Variants in CDCA7 observed in about 807,000 individuals in gnomAD.
CDCA7 encodes the protein cell division cycle-associated protein 7.
In CDCA7, 28 loss-of-function variants were observed where a neutral mutation model predicts 54.0. The observed-to-expected ratio is 0.52, with a 90% confidence interval of 0.38 to 0.71. The LOEUF (loss-of-function observed/expected upper bound fraction) is 0.71. Among genes scored for constraint, CDCA7 ranks in the 30% least tolerant of loss-of-function variants. The probability of loss-of-function intolerance (pLI) is 0.00; values close to 1 mark genes in which losing one functional copy is unlikely to be tolerated. For synonymous variants in CDCA7, 180 were observed against 208.2 expected, an observed-to-expected ratio of 0.86 and a Z score of 1.16; for missense variants, 484 against 586.0, an observed-to-expected ratio of 0.83 and a Z score of 1.80.
Position 173,367,655 on chromosome 2 carries a change from G to A in CDCA7, c.1344G>A (p.Met448Ile). ...YLKSLKQEFE[M>I]QA ...ACAGCCTGAAACAGGAATTTGAAAT[G>A]CAAGCATAATATCTGGAAAATTTGC... is the stretch of plus-strand genomic sequence containing the variant. Residue 448 changes from methionine to isoleucine, a missense_variant, in exon 10 of 10, where the codon ATG becomes ATA. Physicochemically the swap from Met to Ile is conservative, Grantham distance 10. Transcript: ENST00000306721. 6.2e-7 allele frequency: 1 copy of A among 1,614,174 alleles called. No individual in the cohort carries two copies. Among genetic ancestry groups the A allele is most frequent in the Non-Finnish European group, 8.5e-7 (1 of 1,180,010 alleles).
In CDCA7 at chr2:173,359,343, A is replaced by G. The variant is rs1233452800; in HGVS notation, c.236A>G (p.Glu79Gly). 8 of 1,614,220 alleles carry G rather than the reference A, an allele frequency of 5.0e-6. No individual in the cohort carries two copies. Among genetic ancestry groups the G allele is most frequent in the Non-Finnish European group, 6.8e-6 (8 of 1,180,034 alleles). The change falls in exon 3 of 10, where the codon GAA (glutamate) becomes GGA (glycine). Residue 79 changes from glutamate (E) to glycine (G), a missense_variant. Transcript: ENST00000306721. ...SDNESFCGFSESEVQDVLDHC... is the reference protein window; with the variant it reads ...SDNESFCGFSGSEVQDVLDHC... Reference sequence around the variant, plus strand: ...AATGAATCTTTCTGCGGCTTTTCAGAAAGTGAGGTGCAAGATGTATTAGAC... The same window carrying G: ...AATGAATCTTTCTGCGGCTTTTCAGGAAGTGAGGTGCAAGATGTATTAGAC...
intron 5 of CDCA7, 46 bp downstream of exon 5, chr2:173,363,941 C>A: frequency 6.6e-7 from 1 of 1,511,620 alleles, no homozygotes; most frequent in Non-Finnish European, 9.2e-7. Flanking sequence ...TTGGGCACAC[C>A]TAAGGTCGAT....
At chr2:173,363,780 T>C in intron 4 of CDCA7, 38 bp from the exon 5 acceptor site, 2 of 1,593,042 alleles carry the variant, frequency 1.3e-6, no homozygotes, top group Non-Finnish European at 1.7e-6. Flanking sequence ...ACAGTTATTC[T>C]AAGCCAATGA....
In CDCA7 at chr2:173,363,360, C is replaced by T. The variant is rs1328100729; in HGVS notation, c.519C>T (p.Pro173=). Reference sequence around the variant, plus strand: ...ACAAAAAAGCAGAGTCCCGCCAGCCCTCAGAGAATTCTGTGACTGATTCCA... The same window carrying T: ...ACAAAAAAGCAGAGTCCCGCCAGCCTTCAGAGAATTCTGTGACTGATTCCA... The part of the protein sequence containing the change: ...ATNKKAESRQ[P]SENSVTDSNS... The change falls in exon 4 of 10, where the codon CCC becomes CCT. Residue 173 remains proline, a synonymous_variant. Coordinates refer to ENST00000306721, the MANE Select transcript of CDCA7 (RefSeq NM_031942.5). The T allele has an allele frequency of 6.2e-7, 1 of 1,614,132 alleles. No individual in the cohort carries two copies. Among genetic ancestry groups the T allele is most frequent in the Admixed American group, 1.7e-5 (1 of 60,018 alleles).
chr2:173,362,655 G>A (rs1267493570), intron 3 of CDCA7, among the ~76,000 whole-genome samples: 2 of 150,352 alleles, frequency 1.3e-5, no homozygotes, highest in African/African-American at 4.9e-5. Context: ...GGCTCACTGA[G>A]CCTCTGCCCC....
chr2:173,367,157 A>G lies in CDCA7; in HGVS notation c.1193A>G (p.His398Arg), dbSNP rs1288990367. The G allele has an allele frequency of 2.5e-6, 4 of 1,590,272 alleles. No individual in the cohort carries two copies. The highest frequency in any genetic ancestry group is 4.5e-5 in the East Asian group (2 of 44,710). The change falls in exon 9 of 10, where the codon CAT becomes CGT. Residue 398 changes from histidine to arginine, a missense_variant. His to Arg is a conservative substitution (Grantham distance 29). Transcript: ENST00000306721. ...TTGACAATCCTCCTTCAGAACTGGC[A>G]TTGCCCGCCTTGTCGAGGAATCTGC... Reference protein sequence around the residue: ...VRDALLDPNWHCPPCRGICNC... With the variant: ...VRDALLDPNWRCPPCRGICNC...
rs761129739 is a variant in CDCA7, at chr2:173,354,981, G to C, written c.18G>C (p.Val6=). The change falls in exon 1 of 10, where the codon GTG becomes GTC. Residue 6 remains valine (V), a synonymous_variant. Coordinates refer to ENST00000306721, the MANE Select transcript of CDCA7 (RefSeq NM_031942.5). ...CCACCAGCATGGACGCTCGCCGCGT[G>C]CCGGTGAGGGCTGGGCGGGCGAACC... MDARR[V]PQKDLRVKKN... 7.0e-7 allele frequency: 1 copy of C among 1,431,204 alleles called. No individual in the cohort carries two copies. The highest frequency in any genetic ancestry group is 9.1e-7 in the Non-Finnish European group (1 of 1,100,838). 88.7% of individuals were successfully genotyped at this position (1,431,204 alleles called of 1,614,324 possible). A position where few individuals can be genotyped will look rare whatever the true frequency, so the allele number is the denominator to read the frequency against.
At position 173,366,051 on chromosome 2, in the gene CDCA7, C is replaced by A. The variant is rs538258666; in HGVS notation, c.1036-232C>A. Among the ~76,000 whole-genome samples the A allele has an allele frequency of 6.6e-6, 1 of 152,088 alleles. No individual in the cohort carries two copies. Among genetic ancestry groups the A allele is most frequent in the Non-Finnish European group, 1.5e-5 (1 of 68,024 alleles). On this transcript the variant is annotated intron_variant, in intron 7 of 9. Coordinates refer to ENST00000306721, the MANE Select transcript of CDCA7 (RefSeq NM_031942.5). The surrounding 1 kb of genome is among the most constrained non-coding windows in gnomAD (Gnocchi z 4.5). ...TATTGCCCAGGCTGGTCTTGAACTC[C>A]TTGGCTCAAGCGATCCACTCTCCTC...
At chr2:173,367,096 T>G in intron 8 of CDCA7, 54 bp from the exon 9 acceptor site, 1 of 1,531,298 alleles carries the variant, frequency 6.5e-7, no homozygotes, top group Non-Finnish European at 8.7e-7. Context: ...GTAGATAAGT[T>G]GGTGGGGGAG....
rs755805835 is a variant in CDCA7 at position 173,363,889 on chromosome 2, C to T, written c.693C>T (p.Ser231=). The change falls in exon 5 of 10, where the codon TCC becomes TCT. Residue 231 remains serine (S), a synonymous_variant. Coordinates refer to ENST00000306721, the MANE Select transcript of CDCA7 (RefSeq NM_031942.5). ...SFRGRHPLPG[S]DSQSRRPRRR... ...GTGGAAGACATCCCCTCCCAGGCTCCGACTCAGTAAGTACCAGTTCTTGTT... is the reference window on the plus strand; with the variant it reads ...GTGGAAGACATCCCCTCCCAGGCTCTGACTCAGTAAGTACCAGTTCTTGTT... 1.4e-5 allele frequency: 23 copies of T among 1,614,124 alleles called. No individual in the cohort carries two copies. Among genetic ancestry groups the T allele is most frequent in the Non-Finnish European group, 1.8e-5 (21 of 1,179,952 alleles).
At chr2:173,361,431 C>CT (rs933135913) in intron 3 of CDCA7, among the ~76,000 whole-genome samples, 1 of 148,094 alleles carries the variant, frequency 6.8e-6, no homozygotes, top group South Asian at 2.1e-4. Flanking sequence ...TTTGCTAATA[C>CT]TTTTTTTTAT....
rs1372395035 is a variant in CDCA7, at chr2:173,367,702, A to C, written c.*38A>C. ...TTGCTGCCTGCCTTCTACTTCTCAA[A>C]TCTTTCTTGTAAAAGTTTCCAATTT... On this transcript the variant is annotated 3_prime_UTR_variant, in exon 10 of 10. Coordinates refer to ENST00000306721, the MANE Select transcript of CDCA7 (RefSeq NM_031942.5). 1.2e-6 allele frequency: 2 copies of C among 1,610,682 alleles called. No homozygotes were observed. The highest frequency in any genetic ancestry group is 2.7e-5 in the African/African-American group (2 of 74,796).
intron 5 of CDCA7, 27 bp from the exon 6 acceptor site, chr2:173,364,768 G>A: frequency 1.3e-6 from 2 of 1,563,110 alleles, no homozygotes; most frequent in Non-Finnish European, 1.7e-6. Context: ...TGGAATAAAT[G>A]GATTCCCTTA....
intron 3 of CDCA7, 56 bp downstream of exon 3, chr2:173,359,547 A>G (rs1686581865): frequency 6.9e-7 from 1 of 1,441,798 alleles, no homozygotes; most frequent in South Asian, 1.2e-5. Context: ...GAGGCATGAC[A>G]TATTTTTAGA....
At chr2:173,361,686 A>G (rs1270645960) in intron 3 of CDCA7, among the ~76,000 whole-genome samples, 2 of 152,074 alleles carry the variant, frequency 1.3e-5, no homozygotes, top group Non-Finnish European at 2.9e-5. Flanking sequence ...TCCTGACCTC[A>G]GGTGATCTGC....
Position 173,359,333 on chromosome 2 carries a change from G to T in CDCA7, c.226G>T (p.Gly76Cys), listed in dbSNP as rs1459850073. Residue 76 changes from glycine to cysteine, a missense_variant, in exon 3 of 10, where the codon GGC (glycine) becomes TGC (cysteine). Physicochemically the swap from Gly to Cys is radical, Grantham distance 159. This residue lies in a region of CDCA7 where 398 missense variants were observed against 447.4 expected (regional missense o/e 0.89). Transcript: ENST00000306721. ...YEDSDNESFC[G>C]FSESEVQDVL... is the part of the protein sequence containing the mutation. ...GGACTCTGATAATGAATCTTTCTGC[G>T]GCTTTTCAGAAAGTGAGGTGCAAGA... The T allele has an allele frequency of 6.2e-7, 1 of 1,614,112 alleles. No individual in the cohort carries two copies.
chr2:173,364,362 G>A (rs1176953824), intron 5 of CDCA7: 1 of 165,528 alleles, frequency 6.0e-6, no homozygotes, highest in Admixed American at 6.4e-5. Context: ...GATTTGGTGT[G>A]TCTGCTGTGA....
Position 173,363,289 on chromosome 2 carries a change from A to G in CDCA7, c.448A>G (p.Arg150Gly), listed in dbSNP as rs760846122. Residue 150 changes from arginine to glycine, a missense_variant, in exon 4 of 10, where the codon AGG becomes GGG. By Grantham distance (125) the Arg-to-Gly change is moderately radical. Around this residue, in one of 3 missense-constraint regions of CDCA7, gnomAD observed 398 missense variants for 447.4 expected, o/e 0.89. Coordinates refer to ENST00000306721, the MANE Select transcript of CDCA7 (RefSeq NM_031942.5). ...RSQCRHSGPL[R>G]VAMKFPARST... ...CCAGTGCAGGCACTCTGGACCTCTC[A>G]GGGTGGCGATGAAGTTTCCAGCGCG... is the stretch of plus-strand genomic sequence containing the variant. The G allele has an allele frequency of 6.2e-7, 1 of 1,614,076 alleles. No homozygotes were observed. The highest frequency in any genetic ancestry group is 1.3e-5 in the African/African-American group (1 of 74,932).
At chr2:173,357,232 TTC>T (rs1686524242) in intron 1 of CDCA7, among the ~76,000 whole-genome samples, 1 of 152,230 alleles carries the variant, frequency 6.6e-6, no homozygotes, top group Admixed American at 6.5e-5. Context: ...CAATTACATT[TTC>T]TGAGAGCAGT....
Sources: gnomAD v4.1 joint callset for allele counts (sites outside exome capture counted in the v4.1 genomes callset) on GRCh38, gnomAD v4.1.1 for gene constraint, gnomAD v4.1.1 regional missense constraint, Gnocchi (gnomAD v3.1) non-coding constraint, MANE v1.5 for transcripts, NCBI Gene and HGNC (gene_info 2026-07-23, HGNC 2026-07-21) for gene names.